Variants in CHCHD6 observed in about 807,000 individuals in gnomAD.
CHCHD6 encodes the protein coiled-coil-helix-coiled-coil-helix domain containing 6.
CHCHD6 carries 28 observed loss-of-function variants against 32.3 expected under a neutral mutation model. The observed-to-expected ratio is 0.87, with a 90% CI of 0.64 to 1.19. The LOEUF is 1.19. CHCHD6 is among the 50% of genes most tolerant of loss of function. The pLI, the probability that CHCHD6 is intolerant of heterozygous loss-of-function variation, is 0.00. For synonymous variants in CHCHD6, 122 were observed against 117.5 expected (o/e 1.04, Z -0.25); for missense variants, 333 against 307.0 (o/e 1.08, Z -0.63).
chr3:126,796,917 G>A (rs1938819837), intron 4 of CHCHD6, among the ~76,000 whole-genome samples: 1 of 152,212 alleles, frequency 6.6e-6, no homozygotes, highest in Non-Finnish European at 1.5e-5. Context: ...TGGGTACAGG[G>A]CCAGGAGGCC....
chr3:126,832,312 C>A (rs1182185339), intron 4 of CHCHD6, among the ~76,000 whole-genome samples: 1 of 152,194 alleles, frequency 6.6e-6, no homozygotes, highest in Non-Finnish European at 1.5e-5. Context: ...CTTCCTCTCT[C>A]CAGAACCTTA....
At chr3:126,825,569 G>T (rs1000218205) in intron 4 of CHCHD6, among the ~76,000 whole-genome samples, 2 of 152,072 alleles carry the variant, frequency 1.3e-5, no homozygotes, top group East Asian at 1.9e-4. Context: ...TAATAAATAT[G>T]CAAATAATTA....
chr3:126,928,754 T>C (rs1214916676), intron 6 of CHCHD6, among the ~76,000 whole-genome samples: 1 of 152,222 alleles, frequency 6.6e-6, no homozygotes, highest in Non-Finnish European at 1.5e-5. Flanking sequence ...TCATTCCCAC[T>C]GTCCCCACCA....
chr3:126,779,535 C>CAAAAAAA (rs11288509), intron 4 of CHCHD6, among the ~76,000 whole-genome samples: 4 of 78,098 alleles, frequency 5.1e-5, no homozygotes, highest in Admixed American at 1.5e-4. Context: ...GACTCCATCT[C>CAAAAAAA]AAAAAAAAAA....
intron 4 of CHCHD6, among the ~76,000 whole-genome samples, chr3:126,836,144 T>C (rs138222860): frequency 6.6e-6 from 1 of 152,370 alleles, no homozygotes; most frequent in East Asian, 1.9e-4. Context: ...TAGAAGGCAG[T>C]GCACCACCTC....
intron 5 of CHCHD6, among the ~76,000 whole-genome samples, chr3:126,862,279 A>G (rs1430448452): frequency 9.5e-6 from 1 of 105,354 alleles, no homozygotes; most frequent in African/African-American, 3.7e-5. Context: ...CTCCTCCTCT[A>G]CCATCACCAC....
At chr3:126,795,748 C>G (rs150613014) in intron 4 of CHCHD6, among the ~76,000 whole-genome samples, 1,563 of 152,266 alleles carry the variant, frequency 0.01, 28 homozygotes, top group African/African-American at 0.035. Flanking sequence ...AAAAACCAGT[C>G]TAAGGTTTTT....
rs189661820 is a variant in CHCHD6 at position 126,761,772 on chromosome 3, C to T, written c.411+28550C>T. 1.9e-3 allele frequency among the ~76,000 whole-genome samples: 286 copies of T among 152,272 alleles called. 2 individuals are homozygous for T. Among genetic ancestry groups the T allele is most frequent in the African/African-American group, 6.4e-3 (268 of 41,556 alleles). On this transcript the variant is annotated intron_variant, in intron 4 of 7. Transcript: ENST00000290913. ...GTTTGGTAGAATTCACTACTGAAGCCATCTGGTTCTGGACTTTTCCTTGTT... is the reference window on the plus strand; with the variant it reads ...GTTTGGTAGAATTCACTACTGAAGCTATCTGGTTCTGGACTTTTCCTTGTT...
chr3:126,894,317 G>C (rs974716249), intron 5 of CHCHD6, among the ~76,000 whole-genome samples: 2 of 152,200 alleles, frequency 1.3e-5, no homozygotes, highest in African/African-American at 2.4e-5. Context: ...GGCCCACAAG[G>C]GTCTGTGGAA....
At chr3:126,809,665 T>C (rs1044007570) in intron 4 of CHCHD6, among the ~76,000 whole-genome samples, 1 of 152,244 alleles carries the variant, frequency 6.6e-6, no homozygotes, top group African/African-American at 2.4e-5. Flanking sequence ...TGCAGATTGA[T>C]GTGGATGGTG....
chr3:126,766,200 A>G (rs1313024304), intron 4 of CHCHD6, among the ~76,000 whole-genome samples: 5 of 152,186 alleles, frequency 3.3e-5, no homozygotes, highest in South Asian at 2.1e-4. Flanking sequence ...TAAGTCAACT[A>G]TCAGCAAGTA....
chr3:126,840,202 C>T (rs945863376), intron 4 of CHCHD6, among the ~76,000 whole-genome samples: 3 of 152,034 alleles, frequency 2.0e-5, no homozygotes, highest in African/African-American at 7.3e-5. Flanking sequence ...TAAAATTCAT[C>T]TGTTAGTTGA....
At chr3:126,790,884 A>C (rs1938500317) in intron 4 of CHCHD6, among the ~76,000 whole-genome samples, 1 of 152,138 alleles carries the variant, frequency 6.6e-6, no homozygotes, top group Non-Finnish European at 1.5e-5. Context: ...TTTCCTTTGG[A>C]GGAGGAGAGG....
chr3:126,811,734 A>G (rs959866079), intron 4 of CHCHD6, among the ~76,000 whole-genome samples: 11 of 152,216 alleles, frequency 7.2e-5, no homozygotes, highest in Non-Finnish European at 1.3e-4. Flanking sequence ...AGTAATGTGA[A>G]TGGAATGGAA....
At chr3:126,751,696 C>G (rs150298728) in intron 4 of CHCHD6, among the ~76,000 whole-genome samples, 2 of 152,008 alleles carry the variant, frequency 1.3e-5, no homozygotes, top group African/African-American at 4.8e-5. Context: ...TGGAGGCTGC[C>G]GCAGCATGGT....
intron 4 of CHCHD6, among the ~76,000 whole-genome samples, chr3:126,825,956 C>G (rs1352417586): frequency 6.6e-6 from 1 of 152,220 alleles, no homozygotes; most frequent in Non-Finnish European, 1.5e-5. Context: ...ATTTTCTTCT[C>G]TCTGAAGGAC....
At chr3:126,905,212 G>C (rs2077988012) in intron 5 of CHCHD6, among the ~76,000 whole-genome samples, 1 of 152,234 alleles carries the variant, frequency 6.6e-6, no homozygotes, top group African/African-American at 2.4e-5. Flanking sequence ...GCGGGTCCCA[G>C]TCTAAGCCAG....
At chr3:126,923,801 T>C in intron 6 of CHCHD6, among the ~76,000 whole-genome samples, 1 of 152,242 alleles carries the variant, frequency 6.6e-6, no homozygotes, top group East Asian at 1.9e-4. Context: ...AAGCACTCGA[T>C]GCATGGTAGG....
chr3:126,781,672 A>G (rs1937948906), intron 4 of CHCHD6, among the ~76,000 whole-genome samples: 1 of 152,208 alleles, frequency 6.6e-6, no homozygotes, highest in Non-Finnish European at 1.5e-5. Context: ...CTGCTTTCAG[A>G]GCCAGATGCC....
Sources: allele counts gnomAD v4.1 joint callset (sites outside exome capture counted in the v4.1 genomes callset), GRCh38; gene constraint gnomAD v4.1.1; transcripts MANE v1.5; gene names NCBI Gene and HGNC (gene_info 2026-07-23, HGNC 2026-07-21).